Variants in INPP4A observed in about 807,000 individuals in gnomAD.
INPP4A encodes the protein inositol polyphosphate-4-phosphatase type I A, also known as inositol polyphosphate-4-phosphatase, type I, 107kD.
Under a neutral mutation model 119.8 loss-of-function variants are expected in INPP4A, and 33 were observed. That is an observed-to-expected ratio of 0.28 (90% CI 0.21 to 0.37). The LOEUF is 0.37. INPP4A is among the 10% of genes least tolerant of loss of function. The probability of loss-of-function intolerance (pLI) is 1.00; values close to 1 mark genes in which losing one functional copy is unlikely to be tolerated. For missense variants in INPP4A, 956 were observed against 1,289.9 expected, an observed-to-expected ratio of 0.74 and a Z score of 3.97; for synonymous variants, 496 against 500.7, an observed-to-expected ratio of 0.99 and a Z score of 0.12.
intron 22 of INPP4A, among the ~76,000 whole-genome samples, chr2:98,572,330 G>A (rs949314210): frequency 6.6e-6 from 1 of 152,214 alleles, no homozygotes; most frequent in Admixed American, 6.5e-5. Context: ...TCTGGGTCCC[G>A]CAGAGATGTG....
chr2:98,518,282 C>G (rs919420086), intron 1 of INPP4A, among the ~76,000 whole-genome samples: 9 of 152,332 alleles, frequency 5.9e-5, no homozygotes, highest in East Asian at 1.9e-4. Flanking sequence ...GCAGAGATGC[C>G]CAGACTGAAG....
At chr2:98,469,374 G>T (rs545814039) in intron 1 of INPP4A, among the ~76,000 whole-genome samples, 1 of 152,018 alleles carries the variant, frequency 6.6e-6, no homozygotes, top group Non-Finnish European at 1.5e-5. Flanking sequence ...GCTGGCATGC[G>T]CCTGTAATCC....
At chr2:98,497,936 C>T (rs1477219475) in intron 1 of INPP4A, among the ~76,000 whole-genome samples, 2 of 152,214 alleles carry the variant, frequency 1.3e-5, no homozygotes, top group African/African-American at 4.8e-5. Flanking sequence ...CCAATACCTG[C>T]ACCCCCATTG....
chr2:98,520,201 C>T, intron 3 of INPP4A, 47 bp downstream of exon 3: 1 of 1,374,114 alleles, frequency 7.3e-7, no homozygotes, highest in Non-Finnish European at 1.0e-6. Context: ...GAGCTCACAG[C>T]ACCTGGGCTC....
intron 1 of INPP4A, among the ~76,000 whole-genome samples, chr2:98,492,662 AG>A (rs927645587): frequency 5.9e-5 from 9 of 152,202 alleles, no homozygotes; most frequent in African/African-American, 2.2e-4. Flanking sequence ...CTCAGGTCCC[AG>A]GGGGAGGTGA....
At chr2:98,470,434 T>C (rs1574572119) in intron 1 of INPP4A, among the ~76,000 whole-genome samples, 1 of 152,200 alleles carries the variant, frequency 6.6e-6, no homozygotes, top group African/African-American at 2.4e-5. Context: ...TAGTGGTCTG[T>C]CCCTTCCCTC....
intron 24 of INPP4A, among the ~76,000 whole-genome samples, chr2:98,577,725 G>A (rs1179219935): frequency 6.6e-6 from 1 of 152,220 alleles, no homozygotes; most frequent in East Asian, 1.9e-4. Flanking sequence ...TTCTGATTCT[G>A]AGGCAGCAGG....
chr2:98,565,855 C>A, intron 20 of INPP4A, 89 bp downstream of exon 20: 1 of 1,556,694 alleles, frequency 6.4e-7, no homozygotes, highest in Non-Finnish European at 8.7e-7. Context: ...ATTTTTTATC[C>A]TATTTCATTT....
Position 98,587,976 on chromosome 2 carries a change from A to T in INPP4A, c.*368A>T, listed in dbSNP as rs1303021675. ...TGCTTGCTCACTTACTTTTCTACAGAGTAACTCAAAAGTAACCATTGAATT... is the reference window on the plus strand; with the variant it reads ...TGCTTGCTCACTTACTTTTCTACAGTGTAACTCAAAAGTAACCATTGAATT... On this transcript the variant is annotated 3_prime_UTR_variant, in exon 25 of 25. Transcript: ENST00000409851. 2.2e-5 allele frequency: 5 copies of T among 230,124 alleles called. No individual in the cohort carries two copies. The highest frequency in any genetic ancestry group is 4.3e-5 in the Non-Finnish European group (5 of 116,722). The allele number at this position is 230,124 out of a possible 1,614,324, so 14.3% of individuals were successfully genotyped here. A position where few individuals can be genotyped will look rare whatever the true frequency, so the allele number is the denominator to read the frequency against.
At chr2:98,537,258 C>G (rs1690468376) in intron 7 of INPP4A, among the ~76,000 whole-genome samples, 1 of 152,192 alleles carries the variant, frequency 6.6e-6, no homozygotes, top group African/African-American at 2.4e-5. Flanking sequence ...CCAGGGTGTC[C>G]CCAGGTTCCC....
intron 1 of INPP4A, among the ~76,000 whole-genome samples, chr2:98,469,604 G>A (rs1416756963): frequency 2.6e-5 from 4 of 151,874 alleles, no homozygotes; most frequent in South Asian, 4.1e-4. Flanking sequence ...GGAGTTCGAG[G>A]CTAGCCTGAC....
Position 98,566,267 on chromosome 2 carries a change from C to A in INPP4A, c.2420+98C>A. Reference sequence around the variant, plus strand: ...CTTCAGGCTCTAAGTGCTGGACAGACTTTGTCATCCTTCCTTCCTTTGGCC... The same window carrying A: ...CTTCAGGCTCTAAGTGCTGGACAGAATTTGTCATCCTTCCTTCCTTTGGCC... On this transcript the variant is annotated intron_variant, in intron 21 of 24. Coordinates refer to ENST00000409851, the MANE Select transcript of INPP4A (RefSeq NM_001134225.2). The surrounding 1 kb of genome is among the most constrained non-coding windows in gnomAD (Gnocchi z 4.2). 7.9e-7 allele frequency: 1 copy of A among 1,264,920 alleles called. No homozygotes were observed. The highest frequency in any genetic ancestry group is 1.1e-6 in the Non-Finnish European group (1 of 945,546). The allele number at this position is 1,264,920 out of a possible 1,614,324, so 78.4% of individuals were successfully genotyped here.
At chr2:98,465,907 C>T (rs528492713) in intron 1 of INPP4A, among the ~76,000 whole-genome samples, 60 of 152,174 alleles carry the variant, frequency 3.9e-4, no homozygotes, top group Non-Finnish European at 6.8e-4. Flanking sequence ...CCTCCCCCTT[C>T]CTCTCTGGCT....
At chr2:98,472,314 C>T (rs1676202307) in intron 1 of INPP4A, among the ~76,000 whole-genome samples, 1 of 152,190 alleles carries the variant, frequency 6.6e-6, no homozygotes, top group African/African-American at 2.4e-5. Flanking sequence ...CAGAGAGTGC[C>T]CAGAGCAGAA....
At chr2:98,538,693 T>C (rs918255579) in intron 8 of INPP4A, among the ~76,000 whole-genome samples, 198 bp from the exon 9 acceptor site, 11 of 152,226 alleles carry the variant, frequency 7.2e-5, no homozygotes, top group African/African-American at 2.4e-4. Context: ...GCCTAGAGAA[T>C]TGTGTGCGCA....
chr2:98,506,740 C>T (rs1355421508), intron 1 of INPP4A, among the ~76,000 whole-genome samples: 3 of 152,138 alleles, frequency 2.0e-5, no homozygotes, highest in Non-Finnish European at 4.4e-5. Context: ...GTGAACAGAC[C>T]GAGGGGAGGA....
At chr2:98,540,209 GGTGTGAGCCA>G (rs1410333681) in intron 10 of INPP4A, among the ~76,000 whole-genome samples, 1 of 152,224 alleles carries the variant, frequency 6.6e-6, no homozygotes, top group Non-Finnish European at 1.5e-5. Flanking sequence ...TGGGATTACA[GGTGTGAGCCA>G]CCATGCCCGG....
intron 1 of INPP4A, among the ~76,000 whole-genome samples, chr2:98,495,704 A>T: frequency 6.6e-6 from 1 of 152,230 alleles, no homozygotes; most frequent in Non-Finnish European, 1.5e-5. Context: ...AAGACCTGGA[A>T]TCATAGAAGG....
chr2:98,454,099 T>A (rs1376750307), intron 1 of INPP4A, among the ~76,000 whole-genome samples: 1 of 151,734 alleles, frequency 6.6e-6, no homozygotes, highest in Non-Finnish European at 1.5e-5. Flanking sequence ...AGGGCAAAAC[T>A]CCCTCTCAAA....
Sources: allele counts gnomAD v4.1 joint callset (sites outside exome capture counted in the v4.1 genomes callset), GRCh38; gene constraint gnomAD v4.1.1; non-coding constraint Gnocchi (gnomAD v3.1); transcripts MANE v1.5; gene names NCBI Gene and HGNC (gene_info 2026-07-23, HGNC 2026-07-21).